TBL1XR1: variants seen among roughly 807,000 people sequenced by gnomAD.
The protein encoded by TBL1XR1 is TBL1X/Y related 1.
TBL1XR1 carries 5 observed loss-of-function variants against 66.9 expected under a neutral mutation model. The observed-to-expected ratio is 0.07, with a 90% CI of 0.04 to 0.16. The LOEUF (loss-of-function observed/expected upper bound fraction) is 0.16, where lower values mean the gene tolerates loss of function less well. TBL1XR1 is among the 10% of genes least tolerant of loss of function. The pLI, the probability that TBL1XR1 is intolerant of heterozygous loss-of-function variation, is 1.00. For synonymous variants in TBL1XR1, 210 were observed against 206.0 expected (o/e 1.02, Z -0.17); for missense variants, 238 against 623.2 (o/e 0.38, Z 6.58).
At chr3:177,054,120 T>G (rs1034802665) in intron 3 of TBL1XR1, among the ~76,000 whole-genome samples, 22 of 152,114 alleles carry the variant, frequency 1.4e-4, no homozygotes, top group African/African-American at 5.1e-4. Flanking sequence ...TTACATACTT[T>G]CTTTTTCTCT....
chr3:177,090,591 G>C (rs1320780299), intron 2 of TBL1XR1, among the ~76,000 whole-genome samples: 1 of 151,820 alleles, frequency 6.6e-6, no homozygotes, highest in Non-Finnish European at 1.5e-5. Flanking sequence ...GGGAGGCTGA[G>C]GCAGGTGGAT....
At chr3:177,107,959 A>C (rs1725084450) in intron 1 of TBL1XR1, among the ~76,000 whole-genome samples, 1 of 152,108 alleles carries the variant, frequency 6.6e-6, no homozygotes, top group African/African-American at 2.4e-5. Context: ...ATTATACAGC[A>C]AAGTAGCCAC....
At chr3:177,111,349 T>C (rs1179940382) in intron 1 of TBL1XR1, among the ~76,000 whole-genome samples, 4 of 151,666 alleles carry the variant, frequency 2.6e-5, no homozygotes, top group Admixed American at 2.0e-4. Flanking sequence ...CTCGGCTCAC[T>C]GCAACCTCTG....
At chr3:177,082,196 A>G (rs1721480245) in intron 2 of TBL1XR1, among the ~76,000 whole-genome samples, 1 of 152,212 alleles carries the variant, frequency 6.6e-6, no homozygotes, top group African/African-American at 2.4e-5. Flanking sequence ...GTTATAATAT[A>G]TACAAATGGT....
At chr3:177,160,473 CAAA>C (rs11303033) in intron 1 of TBL1XR1, among the ~76,000 whole-genome samples, 47 of 117,150 alleles carry the variant, frequency 4.0e-4, no homozygotes, top group African/African-American at 9.6e-4. Context: ...GACTCTGTCT[CAAA>C]AAAAAAAAAA....
At chr3:177,075,000 T>C (rs868389483) in intron 2 of TBL1XR1, among the ~76,000 whole-genome samples, 3 of 152,308 alleles carry the variant, frequency 2.0e-5, no homozygotes, top group South Asian at 2.1e-4. Context: ...CAAAGTACTC[T>C]CAAAATCCAC....
At chr3:177,026,595 C>T in intron 14 of TBL1XR1, 121 bp from the exon 15 acceptor site, 2 of 664,732 alleles carry the variant, frequency 3.0e-6, no homozygotes, top group African/African-American at 1.9e-5. Flanking sequence ...TTAGCTTCAA[C>T]TATAAAAATA....
chr3:177,181,147 T>C (rs1298923260), intron 1 of TBL1XR1, among the ~76,000 whole-genome samples: 2 of 152,168 alleles, frequency 1.3e-5, no homozygotes, highest in African/African-American at 4.8e-5. Context: ...CTTCCAACTC[T>C]GAACCTCCTC....
intron 1 of TBL1XR1, among the ~76,000 whole-genome samples, chr3:177,162,318 A>C (rs1422924305): frequency 6.6e-6 from 1 of 152,228 alleles, no homozygotes; most frequent in Non-Finnish European, 1.5e-5. Context: ...AGGTCAATAC[A>C]GTGGTTACCT....
intron 2 of TBL1XR1, among the ~76,000 whole-genome samples, chr3:177,093,286 C>G (rs1312588025): frequency 1.3e-5 from 2 of 152,056 alleles, no homozygotes; most frequent in African/African-American, 4.8e-5. Flanking sequence ...AAGACCTCTA[C>G]AAGGAAAACT....
intron 1 of TBL1XR1, among the ~76,000 whole-genome samples, chr3:177,118,966 G>A (rs1033602680): frequency 6.6e-6 from 1 of 151,930 alleles, no homozygotes; most frequent in African/African-American, 2.4e-5. Context: ...TGGATAATCA[G>A]GTTTTTTTTG....
At chr3:177,102,614 A>C (rs748788197) in intron 1 of TBL1XR1, among the ~76,000 whole-genome samples, 1 of 152,248 alleles carries the variant, frequency 6.6e-6, no homozygotes, top group Admixed American at 6.5e-5. Context: ...ATTCAAGTCC[A>C]AAACATGTGT....
chr3:177,162,942 G>T (rs1732398809), intron 1 of TBL1XR1, among the ~76,000 whole-genome samples: 1 of 152,192 alleles, frequency 6.6e-6, no homozygotes, highest in South Asian at 2.1e-4. Context: ...CACATTGAGA[G>T]CAGGAATGTA....
At chr3:177,073,940 C>G (rs1319828344) in intron 2 of TBL1XR1, among the ~76,000 whole-genome samples, 3 of 152,218 alleles carry the variant, frequency 2.0e-5, no homozygotes, top group African/African-American at 4.8e-5. Flanking sequence ...ACTAGTCTCT[C>G]TCTTGCAGCA....
chr3:177,163,951 C>A (rs1732520765), intron 1 of TBL1XR1: 1 of 152,010 alleles, frequency 6.6e-6, no homozygotes, highest in South Asian at 2.1e-4. Flanking sequence ...TGCCCAAGCA[C>A]AAAAAAGAAT....
At position 177,022,644 on chromosome 3, in the gene TBL1XR1, A is replaced by G. The variant is rs565867153; in HGVS notation, c.*2854T>C. On this transcript the variant is annotated 3_prime_UTR_variant, in exon 16 of 16. Transcript: ENST00000457928. ...CAACAACAAATAGCATAGAAAAACT[A>G]CTGGATTCAATTGATCATCAGGAAT... 3 of 152,686 alleles carry G rather than the reference A, an allele frequency of 2.0e-5. No homozygotes were observed. In the South Asian group the frequency reaches 6.2e-4, roughly 32 times the overall value. The allele number at this position is 152,686 out of a possible 1,614,324, so 9.5% of individuals were successfully genotyped here. A position where few individuals can be genotyped will look rare whatever the true frequency, so the allele number is the denominator to read the frequency against.
intron 1 of TBL1XR1, among the ~76,000 whole-genome samples, chr3:177,114,577 G>A (rs186899084): frequency 3.1e-4 from 47 of 151,946 alleles, no homozygotes; most frequent in African/African-American, 1.1e-3. Context: ...CTGGGATTAC[G>A]GCATGAGCCA....
chr3:177,192,054 T>C (rs546299023), intron 1 of TBL1XR1, among the ~76,000 whole-genome samples: 3 of 145,046 alleles, frequency 2.1e-5, no homozygotes, highest in Admixed American at 7.1e-5. Flanking sequence ...GATCGCACCA[T>C]TGCACTCCAG....
intron 3 of TBL1XR1, among the ~76,000 whole-genome samples, chr3:177,058,431 T>C (rs969613098): frequency 3.9e-5 from 6 of 152,210 alleles, no homozygotes; most frequent in African/African-American, 1.2e-4. Flanking sequence ...TAAAAATACA[T>C]GTAACTATGA....
Sources: gnomAD v4.1 joint callset for allele counts (sites outside exome capture counted in the v4.1 genomes callset) on GRCh38, gnomAD v4.1.1 for gene constraint, MANE v1.5 for transcripts, NCBI Gene and HGNC (gene_info 2026-07-23, HGNC 2026-07-21) for gene names.